Variants in B3GLCT observed in about 807,000 individuals in gnomAD.
The protein encoded by B3GLCT is beta 3-glucosyltransferase.
A neutral mutation model predicts 63.4 loss-of-function variants in B3GLCT; 65 were observed. The ratio of observed to expected loss-of-function variants is 1.03; its 90% CI spans 0.84 to 1.26. The LOEUF (loss-of-function observed/expected upper bound fraction) is 1.26. B3GLCT is among the 50% of genes most tolerant of loss of function. B3GLCT has a pLI of 0.00. For missense variants in B3GLCT, 577 were observed against 604.8 expected (o/e 0.95, Z 0.48); for synonymous variants, 233 against 219.2 (o/e 1.06, Z -0.55).
At chr13:31,268,459 G>C (rs2137844542) in intron 7 of B3GLCT, among the ~76,000 whole-genome samples, 1 of 152,288 alleles carries the variant, frequency 6.6e-6, no homozygotes, top group East Asian at 1.9e-4. Context: ...ATAGGTCCGT[G>C]CTTTGTACTC....
At chr13:31,258,738 C>A (rs1430410028) in intron 6 of B3GLCT, among the ~76,000 whole-genome samples, 1 of 152,186 alleles carries the variant, frequency 6.6e-6, no homozygotes, top group Admixed American at 6.5e-5. Context: ...CTTTAATTTT[C>A]AACAGTGTTA....
intron 1 of B3GLCT, among the ~76,000 whole-genome samples, chr13:31,211,270 C>A (rs747206257): frequency 6.6e-6 from 1 of 152,146 alleles, no homozygotes; most frequent in Non-Finnish European, 1.5e-5. Context: ...TGGCACGTGC[C>A]TGTAACCCCA....
chr13:31,268,973 T>C (rs1022398374), intron 7 of B3GLCT, among the ~76,000 whole-genome samples: 2 of 152,234 alleles, frequency 1.3e-5, no homozygotes, highest in East Asian at 1.9e-4. Flanking sequence ...TATTGTATTG[T>C]ACGTTGTTTG....
chr13:31,261,721 T>TG (rs1405886551), intron 7 of B3GLCT, among the ~76,000 whole-genome samples: 3 of 152,212 alleles, frequency 2.0e-5, no homozygotes, highest in Non-Finnish European at 1.5e-5. Context: ...ATAAAGCACT[T>TG]GTGGCTTTTA....
intron 12 of B3GLCT, among the ~76,000 whole-genome samples, chr13:31,301,004 G>A (rs370386865): frequency 7.9e-5 from 12 of 152,104 alleles, no homozygotes; most frequent in African/African-American, 2.2e-4. Context: ...CTTGACCTAC[G>A]CCCAGGAATG....
intron 12 of B3GLCT, among the ~76,000 whole-genome samples, chr13:31,310,147 G>A (rs986427766): frequency 3.9e-5 from 6 of 151,996 alleles, no homozygotes; most frequent in African/African-American, 1.2e-4. Context: ...TCCCAAGCCC[G>A]CCTATGGACC....
intron 9 of B3GLCT, among the ~76,000 whole-genome samples, chr13:31,276,384 A>C (rs1872783843): frequency 6.6e-6 from 1 of 152,208 alleles, no homozygotes; most frequent in Non-Finnish European, 1.5e-5. Context: ...CTATGTGCTT[A>C]ATAAATTATA....
chr13:31,210,873 T>A (rs1869221217), intron 1 of B3GLCT, among the ~76,000 whole-genome samples: 1 of 152,088 alleles, frequency 6.6e-6, no homozygotes, highest in Admixed American at 6.5e-5. Flanking sequence ...GCCTCCCAAG[T>A]AGCTGGGACT....
chr13:31,229,247 G>A lies in B3GLCT; in HGVS notation c.223G>A (p.Glu75Lys), dbSNP rs1321072936. 1 of 1,613,752 alleles carries A rather than the reference G, an allele frequency of 6.2e-7. No homozygotes were observed. Among genetic ancestry groups the A allele is most frequent in the South Asian group, 1.1e-5 (1 of 91,072 alleles). The part of the protein sequence containing the change: ...QSNSFHAKRA[E>K]QLKKSILKQA... Reference sequence around the variant, plus strand: ...TAATTCTTTTCATGCAAAGAGAGCAGAGCAGTTAAAAAAAAGCATCTTAAA... The same window carrying A: ...TAATTCTTTTCATGCAAAGAGAGCAAAGCAGTTAAAAAAAAGCATCTTAAA... Residue 75 changes from glutamate to lysine, a missense_variant, in exon 4 of 15, where the codon GAG becomes AAG. Coordinates refer to ENST00000343307, the MANE Select transcript of B3GLCT (RefSeq NM_194318.4).
chr13:31,242,296 C>A (rs1159844048), intron 4 of B3GLCT, among the ~76,000 whole-genome samples: 1 of 152,158 alleles, frequency 6.6e-6, no homozygotes, highest in Non-Finnish European at 1.5e-5. Context: ...GGCTTCTATC[C>A]CTGACACATT....
At chr13:31,207,026 T>G (rs756983930) in intron 1 of B3GLCT, among the ~76,000 whole-genome samples, 25 of 152,174 alleles carry the variant, frequency 1.6e-4, no homozygotes, top group Non-Finnish European at 2.9e-4. Flanking sequence ...AATATACAAA[T>G]AAGTTTCTAA....
At chr13:31,273,027 A>G (rs545279012) in intron 8 of B3GLCT, among the ~76,000 whole-genome samples, 2 of 152,272 alleles carry the variant, frequency 1.3e-5, no homozygotes, top group African/African-American at 4.8e-5. Context: ...CATCATGTAG[A>G]TGATTCTAGG....
chr13:31,320,181 G>C (rs1380002781), intron 13 of B3GLCT, among the ~76,000 whole-genome samples: 1 of 152,230 alleles, frequency 6.6e-6, no homozygotes, highest in African/African-American at 2.4e-5. Flanking sequence ...CCTCTGCTCA[G>C]AGGCCCTCAG....
chr13:31,324,030 C>T, intron 14 of B3GLCT, 135 bp downstream of exon 14: 2 of 1,167,020 alleles, frequency 1.7e-6, no homozygotes, highest in South Asian at 1.2e-5. Context: ...AGGGGAATGT[C>T]CTTAACCAGG....
intron 1 of B3GLCT, among the ~76,000 whole-genome samples, chr13:31,205,819 T>C (rs1377523475): frequency 6.6e-6 from 1 of 152,216 alleles, no homozygotes; most frequent in Non-Finnish European, 1.5e-5. Flanking sequence ...TTTATCTACA[T>C]ATATCTGCAT....
chr13:31,323,919 C>A (rs1184591939), intron 14 of B3GLCT, 24 bp downstream of exon 14: 2 of 1,613,580 alleles, frequency 1.2e-6, no homozygotes, highest in South Asian at 1.1e-5. Flanking sequence ...TTTTATTCTT[C>A]CCTCATGGCA....
At chr13:31,278,695 A>G (rs539748096) in intron 10 of B3GLCT, among the ~76,000 whole-genome samples, 26 of 152,214 alleles carry the variant, frequency 1.7e-4, no homozygotes, top group Non-Finnish European at 3.7e-4. Flanking sequence ...TCTGCCCCTC[A>G]TTTTAGAAGC....
At chr13:31,276,567 A>G in intron 9 of B3GLCT, 135 bp from the exon 10 acceptor site, 1 of 698,414 alleles carries the variant, frequency 1.4e-6, no homozygotes, top group East Asian at 2.7e-5. Flanking sequence ...TTTCTCCCCT[A>G]AAACTTTATG....
At chr13:31,269,755 C>T (rs146915882) in intron 8 of B3GLCT, among the ~76,000 whole-genome samples, 1 of 151,944 alleles carries the variant, frequency 6.6e-6, no homozygotes, top group African/African-American at 2.4e-5. Flanking sequence ...GGGATTAGCA[C>T]TTTTATAAAA....
Sources: allele counts gnomAD v4.1 joint callset (sites outside exome capture counted in the v4.1 genomes callset), GRCh38; gene constraint gnomAD v4.1.1; transcripts MANE v1.5; gene names NCBI Gene and HGNC (gene_info 2026-07-23, HGNC 2026-07-21).